The following CLASP2 variants were observed in gnomAD, a reference collection of about 807,000 sequenced individuals.
CLASP2 encodes the protein cytoplasmic linker associated protein 2, also known as CLIP-associating protein 2.
A neutral mutation model predicts 194.4 loss-of-function variants in CLASP2; 47 were observed. That is an observed-to-expected ratio of 0.24 (90% CI 0.19 to 0.31). CLASP2 has a LOEUF of 0.31. CLASP2 is among the 10% of genes least tolerant of loss of function. The pLI, the probability that CLASP2 is intolerant of heterozygous loss-of-function variation, is 1.00. For missense variants in CLASP2, 1,445 were observed against 1,823.6 expected (o/e 0.79, Z 3.78); for synonymous variants, 619 against 633.5 (o/e 0.98, Z 0.34).
intron 33 of CLASP2, among the ~76,000 whole-genome samples, chr3:33,535,923 G>GA (rs142158394): frequency 0.014 from 1,451 of 107,176 alleles, 11 homozygotes; most frequent in South Asian, 0.045. Context: ...GCTTTAAGGA[G>GA]AAAAAAAAAA....
At chr3:33,588,116 T>C (rs1269872356) in intron 21 of CLASP2, among the ~76,000 whole-genome samples, 3 of 152,166 alleles carry the variant, frequency 2.0e-5, no homozygotes, top group Non-Finnish European at 4.4e-5. Flanking sequence ...TCCTAGGAAA[T>C]AAAATTGTCA....
intron 12 of CLASP2, among the ~76,000 whole-genome samples, chr3:33,613,978 T>A (rs1193307551): frequency 6.6e-6 from 1 of 152,182 alleles, no homozygotes; most frequent in Non-Finnish European, 1.5e-5. Flanking sequence ...AGATGAAGCA[T>A]TCAATCAAAC....
chr3:33,559,965 A>G (rs958809395), intron 28 of CLASP2, among the ~76,000 whole-genome samples: 1 of 152,184 alleles, frequency 6.6e-6, no homozygotes, highest in Non-Finnish European at 1.5e-5. Context: ...AATCAGAAAA[A>G]TGTATTCAGT....
intron 8 of CLASP2, among the ~76,000 whole-genome samples, chr3:33,644,125 T>C (rs2154308550): frequency 6.6e-6 from 1 of 152,166 alleles, no homozygotes; most frequent in South Asian, 2.1e-4. Flanking sequence ...AGAATACCCA[T>C]TAAAAAATTT....
rs749232477 is a variant in CLASP2 at position 33,600,080 on chromosome 3, TA to T, written c.1924+2871del. Among the ~76,000 whole-genome samples, 78 of 152,052 alleles carry T rather than the reference TA, an allele frequency of 5.1e-4. 2 individuals carry two copies. The Middle Eastern group carries it at 0.031, about 60-fold the overall frequency. ...ATGTAATGTGTTTTGCTCATATATA[TA>T]TTTTTTTTGTGTGTGTGTGTGTGTG... is the stretch of plus-strand genomic sequence containing the variant. On this transcript the variant is annotated intron_variant, in intron 18 of 38. Coordinates refer to ENST00000682230, the MANE Select transcript of CLASP2 (RefSeq NM_001365631.1).
intron 23 of CLASP2, among the ~76,000 whole-genome samples, chr3:33,580,564 A>T (rs951234940): frequency 6.6e-6 from 1 of 151,864 alleles, no homozygotes; most frequent in African/African-American, 2.4e-5. Context: ...CTCCACCTCA[A>T]AACAACAACA....
intron 20 of CLASP2, among the ~76,000 whole-genome samples, chr3:33,592,874 T>C (rs558467627): frequency 1.8e-3 from 277 of 152,320 alleles, no homozygotes; most frequent in Middle Eastern, 6.8e-3. Context: ...CAGTTTTAAA[T>C]ATAAGCCTAA....
At chr3:33,632,196 T>C in intron 9 of CLASP2, 96 bp downstream of exon 9, 1 of 707,194 alleles carries the variant, frequency 1.4e-6, no homozygotes, top group Non-Finnish European at 2.2e-6. Flanking sequence ...TATAGCTATA[T>C]AAGGAAAAAA....
intron 2 of CLASP2, 121 bp from the exon 3 acceptor site, chr3:33,690,053 T>C (rs889668270): frequency 1.9e-5 from 11 of 577,190 alleles, no homozygotes; most frequent in South Asian, 3.6e-5. Context: ...GGTAAAGAAA[T>C]TGTTTTAAGT....
intron 12 of CLASP2, among the ~76,000 whole-genome samples, chr3:33,618,230 G>C (rs2076532987): frequency 6.6e-6 from 1 of 152,022 alleles, no homozygotes; most frequent in Non-Finnish European, 1.5e-5. Flanking sequence ...TTACAGGTGT[G>C]AGCTGCCGCG....
In CLASP2 at chr3:33,717,999, C is replaced by G. The variant is rs1222081690; in HGVS notation, c.4G>C (p.Glu2Gln). The change falls in exon 1 of 39, where the codon GAG becomes CAG. Residue 2 changes from glutamate to glutamine, a missense_variant. Glu to Gln is a conservative substitution (Grantham distance 29). Transcript: ENST00000682230. MEPRSMEYFCAQ... is the reference protein window; with the variant it reads MQPRSMEYFCAQ... ...CAGAAGTACTCCATGCTGCGGGGCT[C>G]CATGGCTGCGGCCGCCCGCCCGCCT... 6.8e-7 allele frequency: 1 copy of G among 1,477,024 alleles called. No homozygotes were observed. Among genetic ancestry groups the G allele is most frequent in the Non-Finnish European group, 8.9e-7 (1 of 1,120,370 alleles). The allele number at this position is 1,477,024 out of a possible 1,614,324, so 91.5% of individuals were successfully genotyped here.
intron 29 of CLASP2, among the ~76,000 whole-genome samples, chr3:33,557,048 A>G (rs955258573): frequency 8.6e-5 from 13 of 151,990 alleles, no homozygotes; most frequent in African/African-American, 1.4e-4. Context: ...ATTTTGGCTC[A>G]CTGCAACCTC....
chr3:33,713,012 C>CAGAAAAAAAAAAAAAAAAAAA (rs1559717375), intron 1 of CLASP2, among the ~76,000 whole-genome samples: 13 of 46,990 alleles, frequency 2.8e-4, no homozygotes, highest in Non-Finnish European at 4.2e-4. Flanking sequence ...AACTCCACCT[C>CAGAAAAAAAAAAAAAAAAAAA]AAAAAAAAAA....
intron 29 of CLASP2, among the ~76,000 whole-genome samples, chr3:33,556,552 C>T: frequency 6.6e-6 from 1 of 151,936 alleles, no homozygotes; most frequent in East Asian, 1.9e-4. Context: ...TCTCCTGCCT[C>T]AGCCTCCCGA....
chr3:33,710,242 G>C (rs2092932005), intron 1 of CLASP2, among the ~76,000 whole-genome samples: 1 of 152,172 alleles, frequency 6.6e-6, no homozygotes, highest in South Asian at 2.1e-4. Flanking sequence ...CTCATCCTAA[G>C]GGTCTTAGCC....
intron 34 of CLASP2, among the ~76,000 whole-genome samples, chr3:33,519,212 G>A (rs1045290885): frequency 6.6e-6 from 1 of 152,046 alleles, no homozygotes; most frequent in African/African-American, 2.4e-5. Flanking sequence ...TTTCAGGTTG[G>A]CAAACTTTTA....
intron 27 of CLASP2, among the ~76,000 whole-genome samples, chr3:33,562,713 C>G (rs368079022): frequency 6.6e-6 from 1 of 152,192 alleles, no homozygotes; most frequent in East Asian, 1.9e-4. Flanking sequence ...AAGATTACAA[C>G]CTCTAGCTTT....
intron 32 of CLASP2, among the ~76,000 whole-genome samples, chr3:33,542,940 A>T (rs1408712741): frequency 6.6e-6 from 1 of 152,212 alleles, no homozygotes; most frequent in Non-Finnish European, 1.5e-5. Context: ...TTATTAAAAA[A>T]TTCCATATCC....
Position 33,498,685 on chromosome 3 carries a change from T to G in CLASP2, c.4467A>C (p.Ala1489=), listed in dbSNP as rs1158209239. ...MKLLNLYIKR[A]QTGSGGADPT... ...GATCAGCTCCTCCAGAACCTGTTTGTGCACGTTTGATGTAAAGATTCAGTA... is the reference window on the plus strand; with the variant it reads ...GATCAGCTCCTCCAGAACCTGTTTGGGCACGTTTGATGTAAAGATTCAGTA... The change falls in exon 39 of 39, where the codon GCA becomes GCC. Residue 1489 remains alanine, a synonymous_variant. Transcript: ENST00000682230. The G allele has an allele frequency of 5.6e-6, 9 of 1,613,584 alleles. No individual in the cohort carries two copies. The highest frequency in any genetic ancestry group is 7.6e-6 in the Non-Finnish European group (9 of 1,179,588).
Sources: allele counts gnomAD v4.1 joint callset (sites outside exome capture counted in the v4.1 genomes callset), GRCh38; gene constraint gnomAD v4.1.1; transcripts MANE v1.5; gene names NCBI Gene and HGNC (gene_info 2026-07-23, HGNC 2026-07-21).